Variants in ANO10 observed in about 807,000 individuals in gnomAD.
ANO10 encodes the protein anoctamin 10, also known as anoctamin-10.
A neutral mutation model predicts 74.7 loss-of-function variants in ANO10; 77 were observed. The ratio of observed to expected loss-of-function variants is 1.03; its 90% confidence interval spans 0.86 to 1.25. The LOEUF is 1.25. Among genes scored for constraint, ANO10 ranks in the 50% most tolerant of loss-of-function variants. ANO10 has a pLI of 0.00. For synonymous variants in ANO10, 279 were observed against 284.9 expected (o/e 0.98, Z 0.21); for missense variants, 721 against 778.1 (o/e 0.93, Z 0.87).
chr3:43,474,502 C>T (rs1363858743), intron 11 of ANO10, among the ~76,000 whole-genome samples: 1 of 152,084 alleles, frequency 6.6e-6, no homozygotes, highest in Non-Finnish European at 1.5e-5. Flanking sequence ...TTAGCCAAAG[C>T]TCTCATTAAG....
chr3:43,625,957 C>A (rs1207724588), upstream of ANO10, among the ~76,000 whole-genome samples: 1 of 149,244 alleles, frequency 6.7e-6, no homozygotes, highest in Admixed American at 6.7e-5. Flanking sequence ...TTTTTTTTAA[C>A]GGGTCTAGCT....
At chr3:43,469,294 C>T (rs1302949413) in intron 11 of ANO10, among the ~76,000 whole-genome samples, 3 of 152,076 alleles carry the variant, frequency 2.0e-5, no homozygotes, top group Non-Finnish European at 4.4e-5. Flanking sequence ...GATCCACCCA[C>T]CTTGGCCTCC....
At chr3:43,386,661 G>GTT (rs1292644372) in intron 12 of ANO10, among the ~76,000 whole-genome samples, 2 of 137,942 alleles carry the variant, frequency 1.4e-5, no homozygotes, top group African/African-American at 5.0e-5. Flanking sequence ...GTGTGTGTGT[G>GTT]TGTGTGTGTG....
intron 7 of ANO10, among the ~76,000 whole-genome samples, chr3:43,566,077 CG>C (rs1322493478): frequency 1.3e-5 from 2 of 152,228 alleles, no homozygotes; most frequent in East Asian, 1.9e-4. Flanking sequence ...GGGTGACGGA[CG>C]GCACCTGGAA....
intron 4 of ANO10, 129 bp from the exon 5 acceptor site, chr3:43,580,601 C>A: frequency 9.3e-7 from 1 of 1,073,144 alleles, no homozygotes; most frequent in Non-Finnish European, 1.4e-6. Flanking sequence ...CTGCCTACTC[C>A]AAACCTGTAT....
chr3:43,580,234 G>T, intron 5 of ANO10, 119 bp downstream of exon 5: 2 of 1,346,030 alleles, frequency 1.5e-6, no homozygotes, highest in Non-Finnish European at 2.1e-6. Flanking sequence ...ACATGTAGCT[G>T]GTGATCCCTG....
chr3:43,453,052 T>C (rs1328261507), intron 11 of ANO10, among the ~76,000 whole-genome samples: 2 of 152,200 alleles, frequency 1.3e-5, no homozygotes, highest in East Asian at 1.9e-4. Flanking sequence ...TAATAGTTCT[T>C]TAATTATTCT....
intron 11 of ANO10, among the ~76,000 whole-genome samples, chr3:43,468,771 T>A (rs1457961847): frequency 6.6e-6 from 1 of 151,104 alleles, no homozygotes; most frequent in African/African-American, 2.4e-5. Flanking sequence ...AGTGCAGTAG[T>A]GCGATCTCGG....
chr3:43,634,010 A>AAC (rs59899732), intron 1 of ANO10, among the ~76,000 whole-genome samples: 3,049 of 151,570 alleles, frequency 0.02, 97 homozygotes, highest in African/African-American at 0.069. Flanking sequence ...AAAAAAAAAA[A>AAC]AAAAATCTGC....
At position 43,669,766 on chromosome 3, in the gene ANO10, G is replaced by C. The variant is rs539632114; in HGVS notation, c.-12+21751C>G. On this transcript the variant is annotated intron_variant, in intron 1 of 3. Coordinates refer to the ANO10 transcript ENST00000413397. ...TTTAGAAATGGAGTTTTTGCTCATC[G>C]CCCAGGCCAGAGTGCAGTGGCACTA... Among the ~76,000 whole-genome samples the C allele has an allele frequency of 6.7e-4, 101 of 151,682 alleles. 1 individual carries two copies. The Middle Eastern group carries it at 0.01, about 15-fold the overall frequency.
intron 11 of ANO10, among the ~76,000 whole-genome samples, chr3:43,525,778 G>C (rs2149230956): frequency 6.6e-6 from 1 of 152,270 alleles, no homozygotes; most frequent in Middle Eastern, 3.4e-3. Context: ...TTTCAAATTT[G>C]TTCCTCTCCA....
intron 1 of ANO10, among the ~76,000 whole-genome samples, chr3:43,643,911 C>T (rs185683024): frequency 5.1e-4 from 78 of 152,120 alleles, no homozygotes; most frequent in African/African-American, 1.2e-3. Context: ...GTCTCAATCT[C>T]CTAACCTCAT....
chr3:43,501,309 T>C (rs2077092340), intron 11 of ANO10, among the ~76,000 whole-genome samples: 1 of 152,100 alleles, frequency 6.6e-6, no homozygotes, highest in Non-Finnish European at 1.5e-5. Flanking sequence ...AATCATTCGT[T>C]AGCACAAGGA....
chr3:43,578,749 CAAAAAAAAAAAA>C (rs56186109), intron 5 of ANO10, among the ~76,000 whole-genome samples: 2,976 of 64,450 alleles, frequency 0.046, 95 homozygotes, highest in Admixed American at 0.1. Flanking sequence ...GACTCCATCT[CAAAAAAAAAAAA>C]AAAAAAAAAA....
At chr3:43,614,116 G>C (rs1018160553) in intron 1 of ANO10, among the ~76,000 whole-genome samples, 1 of 152,192 alleles carries the variant, frequency 6.6e-6, no homozygotes, top group Non-Finnish European at 1.5e-5. Context: ...AAAGTGTTCC[G>C]CAGAGTATCT....
intron 1 of ANO10, among the ~76,000 whole-genome samples, chr3:43,651,205 C>T (rs1162934876): frequency 6.6e-6 from 1 of 152,102 alleles, no homozygotes; most frequent in African/African-American, 2.4e-5. Flanking sequence ...TCTATTCAAC[C>T]CAAGTCTACA....
intron 8 of ANO10, among the ~76,000 whole-genome samples, chr3:43,563,359 A>G (rs2080142037): frequency 6.6e-6 from 1 of 151,474 alleles, no homozygotes; most frequent in Non-Finnish European, 1.5e-5. Flanking sequence ...ACTCTTATAC[A>G]CTGTTGTTGG....
intron 1 of ANO10, among the ~76,000 whole-genome samples, chr3:43,621,596 T>G (rs576990644): frequency 1.3e-5 from 2 of 151,992 alleles, no homozygotes; most frequent in African/African-American, 2.4e-5. Flanking sequence ...AGCCCCAAAT[T>G]TCCGCCTCAC....
intron 11 of ANO10, among the ~76,000 whole-genome samples, chr3:43,456,710 A>C (rs1219189163): frequency 1.3e-5 from 2 of 152,254 alleles, no homozygotes; most frequent in East Asian, 3.8e-4. Context: ...TATCAAATAT[A>C]CCATTGGTGC....
Sources: gnomAD v4.1 joint callset for allele counts (sites outside exome capture counted in the v4.1 genomes callset) on GRCh38, gnomAD v4.1.1 for gene constraint, MANE v1.5 for transcripts, NCBI Gene and HGNC (gene_info 2026-07-23, HGNC 2026-07-21) for gene names.